ABCG2: variants seen among roughly 807,000 people sequenced by gnomAD.
ABCG2 encodes broad substrate specificity ATP-binding cassette transporter ABCG2.
ABCG2 carries 80 observed loss-of-function variants against 73.5 expected under a neutral mutation model. The ratio of observed to expected loss-of-function variants is 1.09; its 90% CI spans 0.91 to 1.31. The LOEUF (loss-of-function observed/expected upper bound fraction) is 1.31, where lower values mean the gene tolerates loss of function less well. Among genes scored for constraint, ABCG2 ranks in the 50% most tolerant of loss-of-function variants. The probability of loss-of-function intolerance (pLI) is 0.00; values close to 1 mark genes in which losing one functional copy is unlikely to be tolerated. For synonymous variants in ABCG2, 269 were observed against 282.4 expected (o/e 0.95, Z 0.48); for missense variants, 796 against 786.2 (o/e 1.01, Z -0.15).
chr4:88,197,695 C>T (rs1164572768), intron 1 of ABCG2, among the ~76,000 whole-genome samples: 7 of 151,892 alleles, frequency 4.6e-5, no homozygotes, highest in Non-Finnish European at 8.8e-5. Flanking sequence ...GTCCTAGCTA[C>T]TTGGGAGACT....
intron 1 of ABCG2, among the ~76,000 whole-genome samples, chr4:88,177,080 T>G (rs1386492560): frequency 6.6e-6 from 1 of 152,136 alleles, no homozygotes; most frequent in East Asian, 1.9e-4. Flanking sequence ...TACATTTATA[T>G]AAAAATGAAT....
chr4:88,142,827 G>A (rs1725733382), intron 1 of ABCG2, among the ~76,000 whole-genome samples: 1 of 151,964 alleles, frequency 6.6e-6, no homozygotes, highest in Admixed American at 6.6e-5. Context: ...GCACACCCAT[G>A]GTTTCGGCTA....
rs555466427 is a variant in ABCG2, at chr4:88,199,103, G to T, written c.-20+31891C>A. On this transcript the variant is annotated intron_variant, in intron 1 of 15. Coordinates refer to the ABCG2 transcript ENST00000515655. Reference sequence around the variant, plus strand: ...CCTGCCTCAGCCACCCTAGTAGCTGGGATTACAGGCTCCTGCCACCACACC... The same window carrying T: ...CCTGCCTCAGCCACCCTAGTAGCTGTGATTACAGGCTCCTGCCACCACACC... Among the ~76,000 whole-genome samples the T allele has an allele frequency of 1.8e-4, 27 of 151,986 alleles. No individual in the cohort carries two copies. In the South Asian group the frequency reaches 5.4e-3, roughly 31 times the overall value.
chr4:88,121,472 G>A (rs1453553809), intron 6 of ABCG2, among the ~76,000 whole-genome samples, 163 bp downstream of exon 6: 1 of 152,122 alleles, frequency 6.6e-6, no homozygotes. Context: ...ATTCTTACCT[G>A]CTTTGTTTTT....
At chr4:88,142,762 C>T (rs1276517718) in intron 1 of ABCG2, among the ~76,000 whole-genome samples, 1 of 152,110 alleles carries the variant, frequency 6.6e-6, no homozygotes, top group Non-Finnish European at 1.5e-5. Flanking sequence ...GCCTGCACAA[C>T]ATGGTGAAAC....
At chr4:88,123,556 G>A (rs1221731513) in intron 5 of ABCG2, among the ~76,000 whole-genome samples, 2 of 151,716 alleles carry the variant, frequency 1.3e-5, no homozygotes, top group Non-Finnish European at 1.5e-5. Flanking sequence ...GCGGAAGAAA[G>A]GATATAAGAG....
chr4:88,156,865 G>C (rs187325658), intron 1 of ABCG2, among the ~76,000 whole-genome samples: 1 of 152,178 alleles, frequency 6.6e-6, no homozygotes, highest in African/African-American at 2.4e-5. Flanking sequence ...AGCACTTTGG[G>C]AGGCCAAGGC....
At chr4:88,221,749 G>A (rs1730021463) in intron 1 of ABCG2, among the ~76,000 whole-genome samples, 1 of 152,132 alleles carries the variant, frequency 6.6e-6, no homozygotes, top group African/African-American at 2.4e-5. Flanking sequence ...GGATGATTTA[G>A]GGTATCTGGT....
chr4:88,202,443 A>G (rs1333149174), intron 1 of ABCG2, among the ~76,000 whole-genome samples: 4 of 145,190 alleles, frequency 2.8e-5, no homozygotes, highest in Non-Finnish European at 6.0e-5. Flanking sequence ...TTGTCACACA[A>G]CCAGGAAAGA....
chr4:88,185,033 A>G (rs1364605209), intron 1 of ABCG2, among the ~76,000 whole-genome samples: 1 of 152,232 alleles, frequency 6.6e-6, no homozygotes, highest in African/African-American at 2.4e-5. Flanking sequence ...CTTACCATAT[A>G]CAAATATCAA....
intron 1 of ABCG2, among the ~76,000 whole-genome samples, chr4:88,192,416 T>A (rs899320340): frequency 6.6e-6 from 1 of 152,114 alleles, no homozygotes; most frequent in Admixed American, 6.6e-5. Context: ...CCTTTTCCCT[T>A]TCTTTTCCTT....
At chr4:88,182,550 A>G (rs1728299818) in intron 1 of ABCG2, among the ~76,000 whole-genome samples, 1 of 152,234 alleles carries the variant, frequency 6.6e-6, no homozygotes, top group Admixed American at 6.5e-5. Flanking sequence ...TACCTCAAGT[A>G]TCTTCTCTGA....
At chr4:88,170,784 C>T (rs28440048) in intron 1 of ABCG2, among the ~76,000 whole-genome samples, 3,604 of 152,302 alleles carry the variant, frequency 0.024, 138 homozygotes, top group African/African-American at 0.082. Flanking sequence ...AGCGAGCGAC[C>T]GGCTCCTCTT....
At chr4:88,136,519 A>T (rs1201456539) in intron 2 of ABCG2, among the ~76,000 whole-genome samples, 4 of 152,104 alleles carry the variant, frequency 2.6e-5, no homozygotes, top group African/African-American at 9.7e-5. Flanking sequence ...GTGCCTGGGA[A>T]ACATAGTGAA....
At chr4:88,130,923 C>T (rs1724813351) in intron 5 of ABCG2, 138 bp downstream of exon 5, 4 of 967,586 alleles carry the variant, frequency 4.1e-6, no homozygotes, top group Non-Finnish European at 6.1e-6. Flanking sequence ...ATGTAACAAG[C>T]CACTTTTCTC....
At chr4:88,197,639 TA>T (rs982681828) in intron 1 of ABCG2, among the ~76,000 whole-genome samples, 17 of 151,646 alleles carry the variant, frequency 1.1e-4, no homozygotes, top group South Asian at 4.2e-4. Context: ...AATTAAAAAC[TA>T]AAAAAAATTT....
At chr4:88,177,530 G>A (rs1728053801) in intron 1 of ABCG2, among the ~76,000 whole-genome samples, 1 of 152,116 alleles carries the variant, frequency 6.6e-6, no homozygotes, top group Non-Finnish European at 1.5e-5. Context: ...CTGAATTGGA[G>A]CCTCCATCAA....
intron 5 of ABCG2, among the ~76,000 whole-genome samples, chr4:88,125,589 C>T (rs1195774521): frequency 3.2e-5 from 3 of 93,380 alleles, no homozygotes; most frequent in South Asian, 8.1e-4. Context: ...GCCTGGGCAA[C>T]AGAGCAAGAC....
intron 1 of ABCG2, among the ~76,000 whole-genome samples, chr4:88,185,021 C>A (rs977697599): frequency 6.6e-6 from 1 of 152,202 alleles, no homozygotes; most frequent in South Asian, 2.1e-4. Context: ...AGACCCCTAT[C>A]TCTTACCATA....
Sources: gnomAD v4.1 joint callset for allele counts (sites outside exome capture counted in the v4.1 genomes callset) on GRCh38, gnomAD v4.1.1 for gene constraint, MANE v1.5 for transcripts, NCBI Gene and HGNC (gene_info 2026-07-23, HGNC 2026-07-21) for gene names.